The following DOK5 variants were observed in gnomAD, a reference collection of about 807,000 sequenced individuals.
DOK5 encodes docking protein 5.
DOK5 carries 27 observed loss-of-function variants against 43.3 expected under a neutral mutation model. The observed-to-expected ratio is 0.62, with a 90% CI of 0.46 to 0.86. The LOEUF (loss-of-function observed/expected upper bound fraction) is 0.86. DOK5 is among the 40% of genes least tolerant of loss of function. The pLI, the probability that DOK5 is intolerant of heterozygous loss-of-function variation, is 0.00. For synonymous variants in DOK5, 146 were observed against 140.1 expected (o/e 1.04, Z -0.30); for missense variants, 373 against 392.9 (o/e 0.95, Z 0.43).
intron 2 of DOK5, among the ~76,000 whole-genome samples, chr20:54,581,092 A>G (rs981713500): frequency 2.0e-5 from 3 of 152,084 alleles, no homozygotes; most frequent in African/African-American, 4.8e-5. Flanking sequence ...TATTTTTCAT[A>G]TGGATATACA....
intron 7 of DOK5, among the ~76,000 whole-genome samples, chr20:54,645,063 A>G (rs760458197): frequency 8.1e-6 from 1 of 123,898 alleles, no homozygotes; most frequent in Non-Finnish European, 1.6e-5. Flanking sequence ...GCTGGACTGC[A>G]GTGGCGCGAT....
At chr20:54,604,365 T>C (rs1345491714) in intron 5 of DOK5, among the ~76,000 whole-genome samples, 1 of 152,088 alleles carries the variant, frequency 6.6e-6, no homozygotes, top group Admixed American at 6.5e-5. Context: ...TCTGTTTCTC[T>C]CAGGTTTTTG....
intron 2 of DOK5, among the ~76,000 whole-genome samples, chr20:54,572,442 G>A (rs942411701): frequency 1.4e-4 from 21 of 152,188 alleles, no homozygotes; most frequent in African/African-American, 4.3e-4. Flanking sequence ...GATTACAGGC[G>A]TGAGCCACCG....
At chr20:54,540,145 C>CT (rs936327839) in intron 1 of DOK5, among the ~76,000 whole-genome samples, 31 of 148,194 alleles carry the variant, frequency 2.1e-4, no homozygotes, top group Non-Finnish European at 2.8e-4. Context: ...GAGATCATTG[C>CT]TTTTTTTTTT....
At chr20:54,635,411 C>G (rs1189812022) in intron 6 of DOK5, among the ~76,000 whole-genome samples, 1 of 152,152 alleles carries the variant, frequency 6.6e-6, no homozygotes, top group African/African-American at 2.4e-5. Context: ...CATCTCTTCT[C>G]TCTGAAGCCT....
At chr20:54,570,700 C>T (rs998733845) in intron 2 of DOK5, among the ~76,000 whole-genome samples, 3 of 151,822 alleles carry the variant, frequency 2.0e-5, no homozygotes, top group African/African-American at 7.3e-5. Flanking sequence ...AGTTGATATC[C>T]CCACAAAATG....
Position 54,588,730 on chromosome 20 carries a change from T to C in DOK5, c.333T>C (p.Cys111=), listed in dbSNP as rs199704788. 71 of 1,614,126 alleles carry C rather than the reference T, an allele frequency of 4.4e-5. 1 individual carries two copies. In the Middle Eastern group the frequency reaches 2.1e-3, roughly 49 times the overall value. Residue 111 remains cysteine, a synonymous_variant, in exon 4 of 8, where the codon TGT becomes TGC. Transcript: ENST00000262593. ...DEWCKVLQME[C]VGTRINDISL... is the part of the protein sequence containing the mutation. ...GGTGCAAAGTACTCCAGATGGAGTG[T>C]GTAGGAACACGGATCAATGACATCA...
chr20:54,531,407 A>G (rs1011293671), intron 1 of DOK5, among the ~76,000 whole-genome samples: 2 of 152,220 alleles, frequency 1.3e-5, no homozygotes, highest in African/African-American at 2.4e-5. Context: ...TATAGATAGA[A>G]CACCTAAGGA....
intron 1 of DOK5, among the ~76,000 whole-genome samples, chr20:54,521,077 G>A (rs969201921): frequency 6.6e-6 from 1 of 151,816 alleles, no homozygotes; most frequent in Non-Finnish European, 1.5e-5. Context: ...TGGTTGAATG[G>A]TGCCTGCTTG....
intron 2 of DOK5, among the ~76,000 whole-genome samples, chr20:54,577,126 A>G (rs1985479567): frequency 6.6e-6 from 1 of 152,196 alleles, no homozygotes; most frequent in South Asian, 2.1e-4. Context: ...AGATTTGAGT[A>G]TGGCTCCATC....
intron 1 of DOK5, among the ~76,000 whole-genome samples, chr20:54,521,758 GT>G (rs1462020478): frequency 4.6e-5 from 7 of 152,162 alleles, no homozygotes; most frequent in African/African-American, 1.4e-4. Flanking sequence ...GGGACTGAAA[GT>G]TCCAACTCTC....
chr20:54,646,671 A>T (rs6023458), intron 7 of DOK5, among the ~76,000 whole-genome samples: 88,756 of 151,594 alleles, frequency 0.59, 29,575 homozygotes, highest in East Asian at 1. Flanking sequence ...AAGTACATTT[A>T]AAAAAAAAGT....
intron 2 of DOK5, among the ~76,000 whole-genome samples, chr20:54,572,654 C>T (rs528468062): frequency 6.6e-6 from 1 of 152,220 alleles, no homozygotes; most frequent in African/African-American, 2.4e-5. Flanking sequence ...TAAGGTTCTA[C>T]AAATGGCCCA....
intron 1 of DOK5, among the ~76,000 whole-genome samples, chr20:54,552,541 T>A (rs906570312): frequency 6.6e-6 from 1 of 152,236 alleles, no homozygotes; most frequent in Non-Finnish European, 1.5e-5. Flanking sequence ...TATCGTAATA[T>A]GTACTACATG....
chr20:54,555,940 A>G (rs1172093095), intron 2 of DOK5, among the ~76,000 whole-genome samples: 1 of 152,200 alleles, frequency 6.6e-6, no homozygotes, highest in Non-Finnish European at 1.5e-5. Flanking sequence ...GGAAGTGAAC[A>G]GCTTTTCCTT....
chr20:54,619,022 A>ATTTT (rs72338710), intron 6 of DOK5, among the ~76,000 whole-genome samples: 1 of 48,794 alleles, frequency 2.0e-5, no homozygotes, highest in Non-Finnish European at 3.9e-5. Context: ...GTTTCAATAA[A>ATTTT]TTATATATAT....
chr20:54,500,625 G>A (rs1405883759), intron 1 of DOK5, among the ~76,000 whole-genome samples: 2 of 146,334 alleles, frequency 1.4e-5, no homozygotes, highest in East Asian at 2.0e-4. Flanking sequence ...ATAGTGGCAC[G>A]ATCTCGGCTC....
chr20:54,616,868 C>T (rs561268341), intron 6 of DOK5, among the ~76,000 whole-genome samples: 13 of 148,326 alleles, frequency 8.8e-5, no homozygotes, highest in South Asian at 4.3e-4. Flanking sequence ...GCTCACTGCA[C>T]GCTCCGCCTC....
At chr20:54,611,110 C>T (rs184671126) in intron 6 of DOK5, among the ~76,000 whole-genome samples, 99 of 152,264 alleles carry the variant, frequency 6.5e-4, no homozygotes, top group African/African-American at 2.2e-3. Context: ...AACCTGTCTG[C>T]GGGTGAACTG....
Sources: gnomAD v4.1 joint callset for allele counts (sites outside exome capture counted in the v4.1 genomes callset) on GRCh38, gnomAD v4.1.1 for gene constraint, MANE v1.5 for transcripts, NCBI Gene and HGNC (gene_info 2026-07-23, HGNC 2026-07-21) for gene names.